The following TBX21 variants were observed in gnomAD, a reference collection of about 807,000 sequenced individuals.
TBX21 encodes T-box transcription factor 21.
TBX21 carries 11 observed loss-of-function variants against 52.2 expected under a neutral mutation model. The observed-to-expected ratio is 0.21, with a 90% CI of 0.13 to 0.35. TBX21 has a LOEUF of 0.35. Ranked by LOEUF, TBX21 falls within the 10% of genes least tolerant of loss-of-function variation. The pLI is 1.00. For missense variants in TBX21, 625 were observed against 755.1 expected, an observed-to-expected ratio of 0.83 and a Z score of 2.02; for synonymous variants, 300 against 316.1, an observed-to-expected ratio of 0.95 and a Z score of 0.54.
intron 1 of TBX21, among the ~76,000 whole-genome samples, chr17:47,736,737 C>T (rs565495073): frequency 6.6e-6 from 1 of 152,256 alleles, no homozygotes; most frequent in East Asian, 1.9e-4. Context: ...CCTCTCAAAA[C>T]AGGCTTTTGG....
chr17:47,742,699 A>C lies in TBX21; in HGVS notation c.581A>C (p.Gln194Pro). The C allele has an allele frequency of 4.4e-6, 7 of 1,596,024 alleles. No individual in the cohort carries two copies. The highest frequency in any genetic ancestry group is 1.3e-5 in the African/African-American group (1 of 74,872). The change falls in exon 2 of 6, where the codon CAG (glutamine) becomes CCG (proline). Residue 194 changes from glutamine (Q) to proline (P), a missense_variant. Physicochemically the swap from Gln to Pro is moderately conservative, Grantham distance 76. Transcript: ENST00000177694. This position sits in a 1 kb window ranked among gnomAD's most constrained non-coding sequence, Gnocchi z 4.4. Reference protein sequence around the residue: ...RMFVDVVLVDQHHWRYQSGKW... With the variant: ...RMFVDVVLVDPHHWRYQSGKW... ...TTTGTGGACGTGGTCTTGGTGGACC[A>C]GCACCACTGGCGGTACCAGAGCGGC...
intron 1 of TBX21, among the ~76,000 whole-genome samples, chr17:47,734,536 C>T (rs2143419227): frequency 7.0e-6 from 1 of 143,308 alleles, no homozygotes; most frequent in Non-Finnish European, 1.5e-5. Flanking sequence ...TCCGGTCTTA[C>T]TTTGAGATCA....
Position 47,742,973 on chromosome 17 carries a change from C to T in TBX21, c.647-98C>T, listed in dbSNP as rs2032283611. ...TGCCCTTCCCTGCCTGGTCCTCCCC[C>T]TGTGTCCTTCCTTACGTCCCTCTCG... On this transcript the variant is annotated intron_variant, in intron 2 of 5. Transcript: ENST00000177694. This position sits in a 1 kb window ranked among gnomAD's most constrained non-coding sequence, Gnocchi z 4.4. The T allele has an allele frequency of 6.4e-7, 1 of 1,557,874 alleles. No individual in the cohort carries two copies. The highest frequency in any genetic ancestry group is 8.7e-7 in the Non-Finnish European group (1 of 1,154,778).
At position 47,746,115 on chromosome 17, in the gene TBX21, C is replaced by G. The variant is rs1313644034; in HGVS notation, c.*749C>G. Reference sequence around the variant, plus strand: ...TCACTTTCTGAAAATAAACATAAAACTGTTGAATGTGCCTGCCTCAGTGCC... The same window carrying G: ...TCACTTTCTGAAAATAAACATAAAAGTGTTGAATGTGCCTGCCTCAGTGCC... On this transcript the variant is annotated 3_prime_UTR_variant, in exon 6 of 6. Transcript: ENST00000177694. 6.6e-6 allele frequency: 1 copy of G among 152,254 alleles called. No homozygotes were observed. Among genetic ancestry groups the G allele is most frequent in the Non-Finnish European group, 1.5e-5 (1 of 68,180 alleles). The allele number at this position is 152,254 out of a possible 1,614,324, so 9.4% of individuals were successfully genotyped here. A position where few individuals can be genotyped will look rare whatever the true frequency, so the allele number is the denominator to read the frequency against.
rs1433095980 is a variant in TBX21 at position 47,742,771 on chromosome 17, G to A, written c.646+7G>A. 2.6e-6 allele frequency: 4 copies of A among 1,558,504 alleles called. No individual in the cohort carries two copies. The South Asian group carries it at 3.5e-5, about 14-fold the overall frequency. On this transcript the variant is annotated splice_region_variant and intron_variant, in intron 2 of 5. Transcript: ENST00000177694. This position sits in a 1 kb window ranked among gnomAD's most constrained non-coding sequence, Gnocchi z 4.4. ...GCCGAGGGCAGCATGCCAGGTGCGC[G>A]CGCCCCTGGGAGCGGTGGGCTCTGT...
rs1242646029 is a variant in TBX21 at position 47,744,212 on chromosome 17, C to T, written c.786C>T (p.Ser262=). 2 of 1,614,180 alleles carry T rather than the reference C, an allele frequency of 1.2e-6. No individual in the cohort carries two copies. Among genetic ancestry groups the T allele is most frequent in the South Asian group, 1.1e-5 (1 of 91,082 alleles). Residue 262 remains serine (S), a synonymous_variant, in exon 4 of 6, where the codon TCC becomes TCT. Transcript: ENST00000177694. The part of the protein sequence containing the change: ...NNVTQMIVLQ[S]LHKYQPRLHI... The stretch of plus-strand genomic sequence containing the variant: ...GTCTACAGATGATTGTGCTCCAGTC[C>T]CTCCATAAGTACCAGCCCCGGCTGC...
intron 1 of TBX21, among the ~76,000 whole-genome samples, chr17:47,734,607 G>GTGTA (rs1465871833): frequency 1.0e-4 from 10 of 97,500 alleles, no homozygotes; most frequent in Non-Finnish European, 2.1e-4. Context: ...GTGTGTGTGT[G>GTGTA]TGTATGTGTG....
At position 47,744,234 on chromosome 17, in the gene TBX21, C is replaced by T. The variant is rs2032302219; in HGVS notation, c.808C>T (p.Leu270=). Residue 270 remains leucine (L), a synonymous_variant, in exon 4 of 6, where the codon CTG becomes TTG. Transcript: ENST00000177694. Reference sequence around the variant, plus strand: ...GTCCCTCCATAAGTACCAGCCCCGGCTGCATATCGTTGAGGTGAACGACGG... The same window carrying T: ...GTCCCTCCATAAGTACCAGCCCCGGTTGCATATCGTTGAGGTGAACGACGG... ...LQSLHKYQPR[L]HIVEVNDGEP... 1.9e-6 allele frequency: 3 copies of T among 1,614,244 alleles called. No individual in the cohort carries two copies. The highest frequency in any genetic ancestry group is 2.5e-6 in the Non-Finnish European group (3 of 1,180,052).
chr17:47,736,236 C>A (rs769772585), intron 1 of TBX21, among the ~76,000 whole-genome samples: 5 of 152,140 alleles, frequency 3.3e-5, no homozygotes, highest in Non-Finnish European at 5.9e-5. Context: ...ATGTAACAGA[C>A]TTCCATCCCC....
At chr17:47,739,322 G>C (rs575345997) in intron 1 of TBX21, among the ~76,000 whole-genome samples, 1 of 151,976 alleles carries the variant, frequency 6.6e-6, no homozygotes, top group Non-Finnish European at 1.5e-5. Flanking sequence ...CCCTCTACTA[G>C]TGATAAAAAC....
intron 1 of TBX21, among the ~76,000 whole-genome samples, chr17:47,738,604 AT>A (rs201288149): frequency 0.025 from 3,519 of 141,172 alleles, 120 homozygotes; most frequent in East Asian, 0.19. Flanking sequence ...ATATTATCAC[AT>A]TTTTTTTTTT....
chr17:47,733,651 C>A lies in TBX21; in HGVS notation c.197C>A (p.Ala66Asp). ...TACCCGGGGGGCGCCTTGGTGCCCG[C>A]CCCGCCGAGCCGCTTCCTTGGAGCC... ...SPYPGGALVP[A>D]PPSRFLGAYA... The change falls in exon 1 of 6, where the codon GCC becomes GAC. Residue 66 changes from alanine (A) to aspartate (D), a missense_variant. Physicochemically the swap from Ala to Asp is moderately radical, Grantham distance 126. Transcript: ENST00000177694. The surrounding 1 kb of genome is among the most constrained non-coding windows in gnomAD (Gnocchi z 6.6). 1 of 1,450,182 alleles carries A rather than the reference C, an allele frequency of 6.9e-7. No homozygotes were observed. Among genetic ancestry groups the A allele is most frequent in the Non-Finnish European group, 9.0e-7 (1 of 1,105,194 alleles). The allele number at this position is 1,450,182 out of a possible 1,614,324, so 89.8% of individuals were successfully genotyped here. A position where few individuals can be genotyped will look rare whatever the true frequency, so the allele number is the denominator to read the frequency against.
intron 1 of TBX21, among the ~76,000 whole-genome samples, chr17:47,738,587 G>A (rs1311263005): frequency 8.6e-5 from 13 of 151,506 alleles, no homozygotes; most frequent in Non-Finnish European, 1.8e-4. Context: ...AGCCTCATCA[G>A]CAGTAGATAT....
intron 1 of TBX21, 120 bp downstream of exon 1, chr17:47,734,065 C>A: frequency 2.0e-6 from 3 of 1,509,612 alleles, no homozygotes; most frequent in African/African-American, 1.4e-5. Context: ...TTGGCTTCAG[C>A]GTAGGGAGAC....
Position 47,745,907 on chromosome 17 carries a change from TG to T in TBX21, c.*545del, listed in dbSNP as rs1409379349. 1 of 152,522 alleles carries T rather than the reference TG, an allele frequency of 6.6e-6. No individual in the cohort carries two copies. The highest frequency in any genetic ancestry group is 1.5e-5 in the Non-Finnish European group (1 of 68,488). The allele number at this position is 152,522 out of a possible 1,614,324, so 9.4% of individuals were successfully genotyped here. On this transcript the variant is annotated 3_prime_UTR_variant, in exon 6 of 6. Coordinates refer to ENST00000177694, the MANE Select transcript of TBX21 (RefSeq NM_013351.2). Reference sequence around the variant, plus strand: ...CTGGGCTCCCCCTGCTCAAACACAGTGGGGATCAGAGAAAAGGGGCTGGAAA... The same window carrying T: ...CTGGGCTCCCCCTGCTCAAACACAGTGGGATCAGAGAAAAGGGGCTGGAAA...
In TBX21 at chr17:47,733,718, C is replaced by A. The variant is rs570348261; in HGVS notation, c.264C>A (p.Gly88=). 75 of 1,421,326 alleles carry A rather than the reference C, an allele frequency of 5.3e-5. No homozygotes were observed. In the African/African-American group the frequency reaches 1.0e-3, roughly 19 times the overall value. The allele number at this position is 1,421,326 out of a possible 1,614,324, so 88.0% of individuals were successfully genotyped here. A position where few individuals can be genotyped will look rare whatever the true frequency, so the allele number is the denominator to read the frequency against. ...GACCCCAGGCGGCCGGCTTCCCCGG[C>A]GCGGGCGAGTCCTTCCCGCCGCCCG... ...PPRPQAAGFP[G]AGESFPPPAD... Residue 88 remains glycine, a synonymous_variant, in exon 1 of 6, where the codon GGC becomes GGA. Coordinates refer to ENST00000177694, the MANE Select transcript of TBX21 (RefSeq NM_013351.2). The surrounding 1 kb of genome is among the most constrained non-coding windows in gnomAD (Gnocchi z 6.6).
At chr17:47,744,100 T>C in intron 3 of TBX21, 95 bp from the exon 4 acceptor site, 1 of 1,503,270 alleles carries the variant, frequency 6.7e-7, no homozygotes, top group Non-Finnish European at 9.1e-7. Flanking sequence ...CTCAAGGTGC[T>C]TGCTAGCCTC....
At chr17:47,743,780 G>A (rs141708107) in intron 3 of TBX21, among the ~76,000 whole-genome samples, 198 of 151,420 alleles carry the variant, frequency 1.3e-3, no homozygotes, top group African/African-American at 4.7e-3. Context: ...CTCAAGAGGC[G>A]GAGGCAGGAG....
chr17:47,743,879 C>CAAAAAAAA (rs772309900), intron 3 of TBX21, among the ~76,000 whole-genome samples: 1 of 62,118 alleles, frequency 1.6e-5, no homozygotes. Context: ...GACTCCGTCT[C>CAAAAAAAA]AAAAAAAAAA....
Sources: gnomAD v4.1 joint callset for allele counts (sites outside exome capture counted in the v4.1 genomes callset) on GRCh38, gnomAD v4.1.1 for gene constraint, Gnocchi (gnomAD v3.1) non-coding constraint, MANE v1.5 for transcripts, NCBI Gene and HGNC (gene_info 2026-07-23, HGNC 2026-07-21) for gene names.